Variants in DOCK3 observed in about 807,000 individuals in gnomAD.
DOCK3 encodes dedicator of cytokinesis 3.
Under a neutral mutation model 265.6 loss-of-function variants are expected in DOCK3, and 60 were observed. The ratio of observed to expected loss-of-function variants is 0.23; its 90% confidence interval spans 0.18 to 0.28. The LOEUF is 0.28. Among genes scored for constraint, DOCK3 ranks in the 10% least tolerant of loss-of-function variants. The pLI, the probability that DOCK3 is intolerant of heterozygous loss-of-function variation, is 1.00. For synonymous variants in DOCK3, 881 were observed against 938.0 expected (o/e 0.94, Z 1.11); for missense variants, 1,981 against 2,594.3 (o/e 0.76, Z 5.14).
chr3:50,924,369 T>G (rs536869516), intron 4 of DOCK3, among the ~76,000 whole-genome samples: 1 of 152,376 alleles, frequency 6.6e-6, no homozygotes, highest in Non-Finnish European at 1.5e-5. Flanking sequence ...TAGTCTTGTC[T>G]ATTGTTCTAT....
intron 5 of DOCK3, among the ~76,000 whole-genome samples, chr3:51,020,768 C>G (rs964948299): frequency 4.6e-5 from 7 of 151,854 alleles, no homozygotes; most frequent in African/African-American, 1.7e-4. Context: ...TGTCGAAGAT[C>G]AGATAGTTGT....
At chr3:50,698,537 T>TTTTTTTTTTTTTTTTTTTTTTTA (rs1454460850) in intron 1 of DOCK3, among the ~76,000 whole-genome samples, 1 of 132,208 alleles carries the variant, frequency 7.6e-6, no homozygotes, top group Admixed American at 7.6e-5. Context: ...TTTTTTTTTT[T>TTTTTTTTTTTTTTTTTTTTTTTA]TTTTTGCTAT....
intron 9 of DOCK3, among the ~76,000 whole-genome samples, chr3:51,094,047 A>C (rs1456411875): frequency 6.6e-6 from 1 of 152,062 alleles, no homozygotes; most frequent in African/African-American, 2.4e-5. Flanking sequence ...AAGCTTTTTG[A>C]TATGCTGCTG....
At chr3:50,820,313 A>G (rs2044333356) in intron 2 of DOCK3, among the ~76,000 whole-genome samples, 3 of 152,164 alleles carry the variant, frequency 2.0e-5, no homozygotes, top group Admixed American at 6.5e-5. Context: ...CCCTGTGACA[A>G]GTAGGAGCGA....
chr3:51,261,614 G>C (rs2079851147), intron 23 of DOCK3, among the ~76,000 whole-genome samples: 1 of 152,178 alleles, frequency 6.6e-6, no homozygotes, highest in Non-Finnish European at 1.5e-5. Context: ...AAGCGGTCTA[G>C]TTCAGTGAAT....
chr3:51,205,967 C>G (rs1459781991), intron 12 of DOCK3, among the ~76,000 whole-genome samples: 1 of 152,212 alleles, frequency 6.6e-6, no homozygotes. Flanking sequence ...TCCTTTGAAG[C>G]TACCAGGAGT....
rs190094652 is a variant in DOCK3, at chr3:50,960,039, C to A, written c.315+25962C>A. ...TTTTTGAGGTTTATTCGTGTCATTG[C>A]ATGAAATCAGTAGTTCATGCTCATT... On this transcript the variant is annotated intron_variant, in intron 5 of 52. Coordinates refer to ENST00000266037, the MANE Select transcript of DOCK3 (RefSeq NM_004947.5). Among the ~76,000 whole-genome samples, 218 of 152,308 alleles carry A rather than the reference C, an allele frequency of 1.4e-3. 2 individuals carry two copies. The highest frequency in any genetic ancestry group is 0.013 in the Admixed American group (204 of 15,302).
chr3:51,188,096 A>G (rs888544884), intron 12 of DOCK3, among the ~76,000 whole-genome samples: 1 of 152,180 alleles, frequency 6.6e-6, no homozygotes, highest in African/African-American at 2.4e-5. Context: ...TCTGTTCCCT[A>G]GAGAAATGCT....
chr3:51,100,197 T>G (rs907445807), intron 9 of DOCK3, among the ~76,000 whole-genome samples: 10 of 152,194 alleles, frequency 6.6e-5, no homozygotes, highest in African/African-American at 2.4e-4. Flanking sequence ...CAGTTAACAC[T>G]GAGCAAAATC....
At chr3:50,912,588 T>TA (rs1383111874) in intron 4 of DOCK3, among the ~76,000 whole-genome samples, 2 of 152,212 alleles carry the variant, frequency 1.3e-5, no homozygotes, top group East Asian at 3.9e-4. Flanking sequence ...CAGGAACTAG[T>TA]AAAAAACTTT....
At chr3:50,821,140 C>CTTTTTTTTTTTTTTTTTTTT (rs771111717) in intron 2 of DOCK3, among the ~76,000 whole-genome samples, 11 of 119,460 alleles carry the variant, frequency 9.2e-5, no homozygotes, top group Non-Finnish European at 1.2e-4. Context: ...TTTCTTTTTT[C>CTTTTTTTTTTTTTTTTTTTT]TTTTTTTTTT....
At chr3:51,029,914 T>C (rs2079978262) in intron 5 of DOCK3, among the ~76,000 whole-genome samples, 1 of 152,028 alleles carries the variant, frequency 6.6e-6, no homozygotes, top group Non-Finnish European at 1.5e-5. Context: ...GCCACCTGGT[T>C]CTCTGTTCCT....
intron 4 of DOCK3, among the ~76,000 whole-genome samples, chr3:50,918,591 A>G (rs1269680010): frequency 6.6e-6 from 1 of 151,654 alleles, no homozygotes; most frequent in Non-Finnish European, 1.5e-5. Flanking sequence ...TCCTTTGCCC[A>G]CTTTTTGATG....
At chr3:51,242,363 G>A (rs2078648686) in intron 21 of DOCK3, among the ~76,000 whole-genome samples, 1 of 152,108 alleles carries the variant, frequency 6.6e-6, no homozygotes, top group Non-Finnish European at 1.5e-5. Flanking sequence ...AGCCAAAGTG[G>A]TTCATAGTGC....
chr3:51,115,734 A>C (rs2083706456), intron 9 of DOCK3, among the ~76,000 whole-genome samples: 1 of 152,184 alleles, frequency 6.6e-6, no homozygotes, highest in African/African-American at 2.4e-5. Context: ...TATGTCTTGA[A>C]TGATATTGCC....
chr3:51,260,140 C>A lies in DOCK3; in HGVS notation c.2185-16C>A, dbSNP rs776388180. The A allele has an allele frequency of 2.5e-6, 4 of 1,606,580 alleles. No individual in the cohort carries two copies. The highest frequency in any genetic ancestry group is 3.4e-6 in the Non-Finnish European group (4 of 1,176,068). ...CTTCAACATCTCTCCATCACTTTTTCTCCCACACTTTTCAGGCCTTGGAGT... is the reference window on the plus strand; with the variant it reads ...CTTCAACATCTCTCCATCACTTTTTATCCCACACTTTTCAGGCCTTGGAGT... On this transcript the variant is annotated splice_polypyrimidine_tract_variant and intron_variant, in intron 22 of 52. Coordinates refer to ENST00000266037, the MANE Select transcript of DOCK3 (RefSeq NM_004947.5).
At chr3:50,805,379 A>G (rs1039999357) in intron 2 of DOCK3, among the ~76,000 whole-genome samples, 1 of 152,150 alleles carries the variant, frequency 6.6e-6, no homozygotes, top group Non-Finnish European at 1.5e-5. Context: ...GTGTGTGCAC[A>G]CAGTAGATCA....
chr3:50,945,632 G>A (rs945195271), intron 5 of DOCK3, among the ~76,000 whole-genome samples: 2 of 152,080 alleles, frequency 1.3e-5, no homozygotes, highest in African/African-American at 4.8e-5. Context: ...GGCATAGCAC[G>A]TTGAGACCCC....
intron 12 of DOCK3, among the ~76,000 whole-genome samples, chr3:51,206,305 C>G (rs905236782): frequency 2.0e-5 from 3 of 152,114 alleles, no homozygotes; most frequent in Non-Finnish European, 4.4e-5. Flanking sequence ...TTATATTAAG[C>G]ACTTATTATG....
Sources: allele counts gnomAD v4.1 joint callset (sites outside exome capture counted in the v4.1 genomes callset), GRCh38; gene constraint gnomAD v4.1.1; transcripts MANE v1.5; gene names NCBI Gene and HGNC (gene_info 2026-07-23, HGNC 2026-07-21).